The following KCNT1 variants were observed in gnomAD, a reference collection of about 807,000 sequenced individuals.
KCNT1 encodes potassium sodium-activated channel subfamily T member 1, also known as potassium channel subfamily T member 1.
A neutral mutation model predicts 147.8 loss-of-function variants in KCNT1; 78 were observed. That is an observed-to-expected ratio of 0.53 (90% CI 0.44 to 0.64). The LOEUF (loss-of-function observed/expected upper bound fraction) is 0.64. Ranked by LOEUF, KCNT1 falls within the 30% of genes least tolerant of loss-of-function variation. KCNT1 has a pLI of 0.00. For synonymous variants in KCNT1, 867 were observed against 748.8 expected, an observed-to-expected ratio of 1.16 and a Z score of -2.58; for missense variants, 1,419 against 1,750.3, an observed-to-expected ratio of 0.81 and a Z score of 3.38.
At chr9:135,747,823 G>A (rs150902874) in intron 2 of KCNT1, among the ~76,000 whole-genome samples, 60 of 152,254 alleles carry the variant, frequency 3.9e-4, no homozygotes, top group African/African-American at 1.3e-3. Flanking sequence ...GAGTATGCCC[G>A]GTGGGGTGAC....
At chr9:135,751,606 T>A (rs983210665) in intron 4 of KCNT1, among the ~76,000 whole-genome samples, 1 of 152,194 alleles carries the variant, frequency 6.6e-6, no homozygotes, top group Non-Finnish European at 1.5e-5. Context: ...ACTTGCTCTC[T>A]CTGAGTCCTG....
At chr9:135,732,210 G>A (rs1482503591) in intron 2 of KCNT1, among the ~76,000 whole-genome samples, 1 of 151,780 alleles carries the variant, frequency 6.6e-6, no homozygotes, top group Non-Finnish European at 1.5e-5. Flanking sequence ...GTAGAGATGG[G>A]GTTTCACCTT....
At chr9:135,718,185 T>A (rs1835791770) in intron 2 of KCNT1, among the ~76,000 whole-genome samples, 1 of 152,182 alleles carries the variant, frequency 6.6e-6, no homozygotes. Flanking sequence ...CCAGTGCCTG[T>A]GCCTTCCCCT....
At position 135,783,937 on chromosome 9, in the gene KCNT1, G is replaced by A. The variant is rs537674471; in HGVS notation, c.2842-87G>A. 129 of 923,956 alleles carry A rather than the reference G, an allele frequency of 1.4e-4. 2 individuals carry two copies. In the South Asian group the frequency reaches 1.6e-3, roughly 12 times the overall value. 57.2% of individuals were successfully genotyped at this position (923,956 alleles called of 1,614,324 possible). Reference sequence around the variant, plus strand: ...CAGGTATCATGCACACATGTACGGTGCACACACAGTGCCCTCGACCCCGTG... The same window carrying A: ...CAGGTATCATGCACACATGTACGGTACACACACAGTGCCCTCGACCCCGTG... On this transcript the variant is annotated intron_variant, in intron 24 of 30. Transcript: ENST00000371757.
Position 135,752,780 on chromosome 9 carries a change from T to G in KCNT1, c.435-1157T>G. Among the ~76,000 whole-genome samples, 1 of 137,868 alleles carries G rather than the reference T, an allele frequency of 7.3e-6. No individual in the cohort carries two copies. The highest frequency in any genetic ancestry group is 2.8e-5 in the African/African-American group (1 of 35,976). The allele number at this position is 137,868 out of a possible 152,430, so 90.4% of individuals were successfully genotyped here. A position where few individuals can be genotyped will look rare whatever the true frequency, so the allele number is the denominator to read the frequency against. ...ATGGAGGGATGAGTGGATGGGTGGA[T>G]GATGGATGGATGGATGGATGGATGA... On this transcript the variant is annotated intron_variant, in intron 4 of 30. Coordinates refer to ENST00000371757, the MANE Select transcript of KCNT1 (RefSeq NM_020822.3). The surrounding 1 kb of genome is among the most constrained non-coding windows in gnomAD (Gnocchi z 5.1).
rs1834650924 is a variant in KCNT1, at chr9:135,792,976, C to G, written c.*815C>G. ...CCTGACTTGTGAAGCACAATTCAGC[C>G]TCCGGGCTGGGCCACGTGGAGAGAG... is the stretch of plus-strand genomic sequence containing the variant. On this transcript the variant is annotated 3_prime_UTR_variant, in exon 31 of 31. Transcript: ENST00000371757. 6.6e-6 allele frequency: 1 copy of G among 152,210 alleles called. No individual in the cohort carries two copies. The allele number at this position is 152,210 out of a possible 1,614,324, so 9.4% of individuals were successfully genotyped here.
intron 2 of KCNT1, among the ~76,000 whole-genome samples, chr9:135,727,007 T>C (rs1276324610): frequency 2.0e-5 from 1 of 50,356 alleles, no homozygotes; most frequent in Non-Finnish European, 4.0e-5. Flanking sequence ...CCCTCTCTCT[T>C]TCCCATTCTC....
At chr9:135,788,061 C>T (rs763179136) in intron 29 of KCNT1, 4 of 1,495,482 alleles carry the variant, frequency 2.7e-6, no homozygotes, top group Non-Finnish European at 3.7e-6. Flanking sequence ...TTCTCTCTCT[C>T]TCTCTTTCTG....
At chr9:135,769,167 G>A (rs58740819) in intron 15 of KCNT1, among the ~76,000 whole-genome samples, 63 of 83,296 alleles carry the variant, frequency 7.6e-4, no homozygotes, top group South Asian at 2.9e-3. Flanking sequence ...GTGACGGTGC[G>A]TCTGGGGCAG....
chr9:135,731,983 T>TAGAG (rs1836471688), intron 2 of KCNT1, among the ~76,000 whole-genome samples: 12 of 24,904 alleles, frequency 4.8e-4, no homozygotes, highest in African/African-American at 1.2e-3. Flanking sequence ...TATATATATA[T>TAGAG]ATATATATAG....
At position 135,784,092 on chromosome 9, in the gene KCNT1, C is replaced by T. The variant is rs761534909; in HGVS notation, c.2910C>T (p.Phe970=). The T allele has an allele frequency of 3.7e-6, 6 of 1,605,482 alleles. No individual in the cohort carries two copies. Among genetic ancestry groups the T allele is most frequent in the Non-Finnish European group, 5.1e-6 (6 of 1,179,966 alleles). ...TGCCGTTCGCCGCCGGCCGCGTCTT[C>T]AGCATCAGCATGTTGGACACACTGC... ...FRLPFAAGRV[F]SISMLDTLLY... is the part of the protein sequence containing the mutation. Residue 970 remains phenylalanine, a synonymous_variant, in exon 25 of 31, where the codon TTC becomes TTT. Coordinates refer to ENST00000371757, the MANE Select transcript of KCNT1 (RefSeq NM_020822.3).
intron 13 of KCNT1, among the ~76,000 whole-genome samples, chr9:135,767,619 T>C (rs1342867228): frequency 6.6e-6 from 1 of 151,406 alleles, no homozygotes; most frequent in Non-Finnish European, 1.5e-5. Context: ...ACATACAAGA[T>C]GGGTACCCCG....
chr9:135,788,048 ATATT>A, intron 29 of KCNT1: 2 of 1,410,904 alleles, frequency 1.4e-6, no homozygotes, highest in Non-Finnish European at 2.0e-6. Context: ...TCGCTTGCTG[ATATT>A]CTCTCTCTCT....
At position 135,792,161 on chromosome 9, in the gene KCNT1, A is replaced by C. The variant is rs1459930316; in HGVS notation, c.3708A>C (p.Ter1236CysextTer30). 4 of 1,604,926 alleles carry C rather than the reference A, an allele frequency of 2.5e-6. No individual in the cohort carries two copies. Among genetic ancestry groups the C allele is most frequent in the Non-Finnish European group, 3.4e-6 (4 of 1,179,464 alleles). The change falls in exon 31 of 31, where the codon TGA becomes TGC. Residue 1236 changes from the stop codon to cysteine, a stop_lost. Transcript: ENST00000371757. ...AGACTCGCGACGAGACACAGCTCTGAGCCAGCCCTGCACGGAGCTCAGGCC... is the reference window on the plus strand; with the variant it reads ...AGACTCGCGACGAGACACAGCTCTGCGCCAGCCCTGCACGGAGCTCAGGCC... ...NPETRDETQL[*>C] is the part of the protein sequence containing the mutation.
chr9:135,714,861 C>A lies in KCNT1; in HGVS notation c.254+141C>A. On this transcript the variant is annotated intron_variant, in intron 2 of 30. Transcript: ENST00000371757. This position sits in a 1 kb window ranked among gnomAD's most constrained non-coding sequence, Gnocchi z 6.2. ...TTCAACTTTTCCCGGCTTCTGGGGACGCAGAAGTTTCGGAGGGGGTGCGGG... is the reference window on the plus strand; with the variant it reads ...TTCAACTTTTCCCGGCTTCTGGGGAAGCAGAAGTTTCGGAGGGGGTGCGGG... 1 of 528,422 alleles carries A rather than the reference C, an allele frequency of 1.9e-6. No individual in the cohort carries two copies. Among genetic ancestry groups the A allele is most frequent in the Non-Finnish European group, 2.6e-6 (1 of 383,632 alleles). 32.7% of individuals were successfully genotyped at this position (528,422 alleles called of 1,614,324 possible).
intron 2 of KCNT1, among the ~76,000 whole-genome samples, chr9:135,723,848 T>C (rs1484757770): frequency 3.3e-5 from 5 of 152,144 alleles, no homozygotes; most frequent in Admixed American, 2.0e-4. Flanking sequence ...CCAGCACAGG[T>C]ACCTCATGTC....
chr9:135,768,882 C>T lies in KCNT1; in HGVS notation c.1455C>T (p.Cys485=), dbSNP rs752846721. 2 of 1,613,506 alleles carry T rather than the reference C, an allele frequency of 1.2e-6. No homozygotes were observed. The highest frequency in any genetic ancestry group is 1.7e-6 in the Non-Finnish European group (2 of 1,179,922). Residue 485 remains cysteine (C), a synonymous_variant, in exon 15 of 31, where the codon TGC becomes TGT. Transcript: ENST00000371757. ...AWAVKDFAPN[C]PLYVQILKPE... is the part of the protein sequence containing the mutation. ...CCGTGAAGGACTTCGCCCCCAACTG[C>T]CCCCTCTACGTCCAGATCCTCAAAC... is the stretch of plus-strand genomic sequence containing the variant.
chr9:135,771,299 G>A lies in KCNT1; in HGVS notation c.2008+204G>A, dbSNP rs1282040782. ...CAGGGCGGGAGACCAGGTGGGACAG[G>A]AGACCAGACCGGGCAGGGCAGGAGA... On this transcript the variant is annotated intron_variant, in intron 18 of 30. Transcript: ENST00000371757. 6.5e-6 allele frequency: 4 copies of A among 611,636 alleles called. No homozygotes were observed. The South Asian group carries it at 7.9e-5, about 12-fold the overall frequency. 37.9% of individuals were successfully genotyped at this position (611,636 alleles called of 1,614,324 possible). A position where few individuals can be genotyped will look rare whatever the true frequency, so the allele number is the denominator to read the frequency against.
chr9:135,758,108 T>C, intron 9 of KCNT1, among the ~76,000 whole-genome samples: 1 of 148,966 alleles, frequency 6.7e-6, no homozygotes, highest in Non-Finnish European at 1.5e-5. Flanking sequence ...GGCTGCCCCT[T>C]GGGCCTCAGC....
Sources: allele counts gnomAD v4.1 joint callset (sites outside exome capture counted in the v4.1 genomes callset), GRCh38; gene constraint gnomAD v4.1.1; non-coding constraint Gnocchi (gnomAD v3.1); transcripts MANE v1.5; gene names NCBI Gene and HGNC (gene_info 2026-07-23, HGNC 2026-07-21).